Variants in BIN3 observed in about 807,000 individuals in gnomAD.
BIN3 encodes the protein bridging integrator 3.
Under a neutral mutation model 38.2 loss-of-function variants are expected in BIN3, and 41 were observed. The ratio of observed to expected loss-of-function variants is 1.07; its 90% CI spans 0.84 to 1.39. The LOEUF is 1.39. Ranked by LOEUF, BIN3 falls within the 40% of genes most tolerant of loss-of-function variation. The pLI, the probability that BIN3 is intolerant of heterozygous loss-of-function variation, is 0.00. For missense variants in BIN3, 361 were observed against 324.3 expected, an observed-to-expected ratio of 1.11 and a Z score of -0.87; for synonymous variants, 145 against 122.6, an observed-to-expected ratio of 1.18 and a Z score of -1.21.
At position 22,621,290 on chromosome 8, in the gene BIN3, C is replaced by G; in HGVS notation, c.*132G>C. ...GGTGCCAGGCTCAGGAAGAGTCATTCATTGCAAAGGGCCGGCAAGTGAACC... is the reference window on the plus strand; with the variant it reads ...GGTGCCAGGCTCAGGAAGAGTCATTGATTGCAAAGGGCCGGCAAGTGAACC... On this transcript the variant is annotated 3_prime_UTR_variant, in exon 9 of 9. Coordinates refer to ENST00000276416, the MANE Select transcript of BIN3 (RefSeq NM_018688.6). 13 of 1,234,824 alleles carry G rather than the reference C, an allele frequency of 1.1e-5. No individual in the cohort carries two copies. Among genetic ancestry groups the G allele is most frequent in the African/African-American group, 1.5e-5 (1 of 65,862 alleles). The allele number at this position is 1,234,824 out of a possible 1,614,324, so 76.5% of individuals were successfully genotyped here.
intron 8 of BIN3, 116 bp downstream of exon 8, chr8:22,623,799 G>T: frequency 7.6e-7 from 1 of 1,311,094 alleles, no homozygotes; most frequent in Non-Finnish European, 1.0e-6. Flanking sequence ...GGCTTTGCCT[G>T]GGGTGGGTGC....
chr8:22,666,508 T>C (rs1170449209), intron 1 of BIN3, among the ~76,000 whole-genome samples: 1 of 152,094 alleles, frequency 6.6e-6, no homozygotes, highest in Non-Finnish European at 1.5e-5. Context: ...TCAAATGCCT[T>C]CTTCCTAGTA....
intron 1 of BIN3, among the ~76,000 whole-genome samples, chr8:22,657,303 G>GA (rs1274042554): frequency 6.6e-6 from 1 of 152,162 alleles, no homozygotes; most frequent in Non-Finnish European, 1.5e-5. Flanking sequence ...AAAGAACAAA[G>GA]AAAGGTAGTA....
At chr8:22,659,314 A>C (rs1283838863) in intron 1 of BIN3, among the ~76,000 whole-genome samples, 6 of 152,192 alleles carry the variant, frequency 3.9e-5, no homozygotes, top group African/African-American at 1.4e-4. Flanking sequence ...GCTTGATCCA[A>C]AACCAGAACA....
chr8:22,632,705 CTT>C (rs373810993), intron 4 of BIN3, among the ~76,000 whole-genome samples: 3 of 132,146 alleles, frequency 2.3e-5, no homozygotes, highest in African/African-American at 2.8e-5. Context: ...TTCCACTTTC[CTT>C]TTTTTTTTTT....
At chr8:22,666,931 C>G (rs1160521974) in intron 1 of BIN3, among the ~76,000 whole-genome samples, 1 of 152,174 alleles carries the variant, frequency 6.6e-6, no homozygotes, top group Non-Finnish European at 1.5e-5. Context: ...TGGATTCATT[C>G]TGGGGGCAGG....
At chr8:22,630,147 G>C (rs1376849556) in intron 5 of BIN3, 143 bp from the exon 6 acceptor site, 9 of 1,037,304 alleles carry the variant, frequency 8.7e-6, no homozygotes, top group African/African-American at 1.6e-5. Context: ...TTTGCTCAGG[G>C]TGGAGGCCGG....
Position 22,661,249 on chromosome 8 carries a change from A to G in BIN3, c.8+7795T>C, listed in dbSNP as rs140250802. On this transcript the variant is annotated intron_variant, in intron 1 of 8. Coordinates refer to ENST00000276416, the MANE Select transcript of BIN3 (RefSeq NM_018688.6). ...TAACCACTATTCTAAATTTAGTACT[A>G]TTCCCATACTTTTACTGTATAAGTT... Among the ~76,000 whole-genome samples the G allele has an allele frequency of 3.5e-3, 528 of 150,800 alleles. 5 individuals carry two copies. Among genetic ancestry groups the G allele is most frequent in the African/African-American group, 0.012 (507 of 40,972 alleles).
chr8:22,654,670 A>AT (rs892410816), intron 1 of BIN3, among the ~76,000 whole-genome samples: 3 of 152,012 alleles, frequency 2.0e-5, no homozygotes, highest in African/African-American at 7.2e-5. Flanking sequence ...TCATCCTTTT[A>AT]TTTTTTTAAT....
At chr8:22,651,372 G>A (rs1173881713) in intron 1 of BIN3, among the ~76,000 whole-genome samples, 2 of 152,204 alleles carry the variant, frequency 1.3e-5, no homozygotes, top group African/African-American at 4.8e-5. Flanking sequence ...CTGGCTGCCT[G>A]CTCCCCAGCC....
intron 1 of BIN3, among the ~76,000 whole-genome samples, chr8:22,660,703 T>C (rs972744828): frequency 1.5e-4 from 23 of 152,178 alleles, no homozygotes; most frequent in African/African-American, 5.1e-4. Flanking sequence ...ATATGAAATA[T>C]TGTAAATACA....
chr8:22,667,891 C>A (rs1295330301), intron 1 of BIN3, among the ~76,000 whole-genome samples: 1 of 152,194 alleles, frequency 6.6e-6, no homozygotes, highest in Admixed American at 6.5e-5. Context: ...CAGCTGCTTG[C>A]GTTCTCCACT....
chr8:22,640,868 A>G (rs1802529558), intron 2 of BIN3, among the ~76,000 whole-genome samples: 1 of 152,014 alleles, frequency 6.6e-6, no homozygotes, highest in Non-Finnish European at 1.5e-5. Context: ...AGCTGAGGAG[A>G]AGGTCAGGGG....
intron 1 of BIN3, among the ~76,000 whole-genome samples, chr8:22,654,708 T>A (rs1303259527): frequency 6.6e-6 from 1 of 152,232 alleles, no homozygotes; most frequent in East Asian, 1.9e-4. Flanking sequence ...GTGTATGGAT[T>A]TATATTTTGT....
chr8:22,635,372 G>A (rs151220810), intron 4 of BIN3, among the ~76,000 whole-genome samples: 48 of 152,280 alleles, frequency 3.2e-4, no homozygotes, highest in African/African-American at 9.9e-4. Flanking sequence ...CCTGGTGCAC[G>A]TGGGTTCTCG....
intron 1 of BIN3, among the ~76,000 whole-genome samples, chr8:22,662,036 C>T (rs891978248): frequency 2.0e-5 from 3 of 152,250 alleles, no homozygotes; most frequent in African/African-American, 4.8e-5. Context: ...CTCAACTGAT[C>T]TGCCCGCCTC....
intron 1 of BIN3, among the ~76,000 whole-genome samples, chr8:22,650,188 T>C (rs1313795886): frequency 6.6e-6 from 1 of 152,210 alleles, no homozygotes; most frequent in Non-Finnish European, 1.5e-5. Flanking sequence ...CTAAGAGTCA[T>C]ACAGGATCAA....
chr8:22,656,862 C>A (rs2117587834), intron 1 of BIN3, among the ~76,000 whole-genome samples: 1 of 152,254 alleles, frequency 6.6e-6, no homozygotes, highest in South Asian at 2.1e-4. Flanking sequence ...TTGAGCCATC[C>A]TTTCATTACT....
At position 22,669,021 on chromosome 8, in the gene BIN3, C is replaced by G. The variant is rs754669322; in HGVS notation, c.8+23G>C. 4.4e-6 allele frequency: 7 copies of G among 1,574,392 alleles called. No individual in the cohort carries two copies. The African/African-American group carries it at 8.1e-5, about 18-fold the overall frequency. On this transcript the variant is annotated intron_variant, in intron 1 of 8. Transcript: ENST00000276416. ...TCGCGGGTCCGCGGGTCCAGCAGCT[C>G]CCGCCGCCTGGGCCTCACTCACCAG...
Sources: gnomAD v4.1 joint callset for allele counts (sites outside exome capture counted in the v4.1 genomes callset) on GRCh38, gnomAD v4.1.1 for gene constraint, MANE v1.5 for transcripts, NCBI Gene and HGNC (gene_info 2026-07-23, HGNC 2026-07-21) for gene names.